The following PRIM2 variants were observed in gnomAD, a reference collection of about 807,000 sequenced individuals.
PRIM2 encodes DNA primase subunit 2, also known as DNA primase large subunit.
A neutral mutation model predicts 67.3 loss-of-function variants in PRIM2; 39 were observed. The ratio of observed to expected loss-of-function variants is 0.58; its 90% confidence interval spans 0.45 to 0.76. The LOEUF (loss-of-function observed/expected upper bound fraction) is 0.76. Among genes scored for constraint, PRIM2 ranks in the 30% least tolerant of loss-of-function variants. The pLI, the probability that PRIM2 is intolerant of heterozygous loss-of-function variation, is 0.00. For missense variants in PRIM2, 398 were observed against 598.7 expected (o/e 0.66, Z 3.50); for synonymous variants, 143 against 198.7 (o/e 0.72, Z 2.36).
intron 7 of PRIM2, among the ~76,000 whole-genome samples, chr6:57,439,569 C>T (rs1398839443): frequency 6.6e-6 from 1 of 151,692 alleles, no homozygotes; most frequent in Admixed American, 6.6e-5. Flanking sequence ...GCACCCGCCA[C>T]CACGCCCAGC....
the PRIM2 span, among the ~76,000 whole-genome samples, chr6:57,248,090 C>T: frequency 6.6e-6 from 1 of 152,190 alleles, no homozygotes; most frequent in African/African-American, 2.4e-5. Flanking sequence ...TTACATGTTA[C>T]ATAGTCATGT....
chr6:57,526,140 A>G (rs1774747049), intron 8 of PRIM2, among the ~76,000 whole-genome samples: 1 of 152,150 alleles, frequency 6.6e-6, no homozygotes, highest in Non-Finnish European at 1.5e-5. Context: ...GTTACAGTGC[A>G]GTAATTGTTA....
At chr6:57,551,876 A>C (rs1775410985) in intron 10 of PRIM2, among the ~76,000 whole-genome samples, 1 of 152,208 alleles carries the variant, frequency 6.6e-6, no homozygotes, top group Non-Finnish European at 1.5e-5. Flanking sequence ...ATGTTTTGCC[A>C]CAACGTAAGT....
the PRIM2 span, among the ~76,000 whole-genome samples, chr6:57,287,901 G>A: frequency 1.3e-5 from 2 of 152,156 alleles, no homozygotes; most frequent in Non-Finnish European, 2.9e-5. Flanking sequence ...TGAAGTACGT[G>A]GTTCATCTCA....
At chr6:57,553,488 C>T (rs1267499306) in intron 10 of PRIM2, among the ~76,000 whole-genome samples, 11 of 152,214 alleles carry the variant, frequency 7.2e-5, no homozygotes, top group Middle Eastern at 3.4e-3. Flanking sequence ...AGAATGATCT[C>T]AAGGTAATTC....
At chr6:57,468,830 G>A (rs1355768501) in intron 7 of PRIM2, among the ~76,000 whole-genome samples, 3 of 152,240 alleles carry the variant, frequency 2.0e-5, no homozygotes, top group Non-Finnish European at 1.5e-5. Flanking sequence ...CCTTTTAGGA[G>A]GGGATTTATA....
chr6:57,461,360 T>C (rs1302674718), intron 7 of PRIM2, among the ~76,000 whole-genome samples: 1 of 152,146 alleles, frequency 6.6e-6, no homozygotes, highest in African/African-American at 2.4e-5. Context: ...GGATAAACCT[T>C]GTAGTTCAGG....
rs10949038 is a variant in PRIM2, at chr6:57,385,672, T to A, written c.693+3504T>A. ...CTCTTTAATCTCCTTCAGTCTGCAA[T>A]AGATTCTTAGTTTCTCTTAGATTTT... On this transcript the variant is annotated intron_variant, in intron 7 of 13. Transcript: ENST00000615550. 2.6e-5 allele frequency among the ~76,000 whole-genome samples: 4 copies of A among 152,360 alleles called. No homozygotes were observed. The East Asian group carries it at 5.8e-4, about 22-fold the overall frequency.
intron 12 of PRIM2, among the ~76,000 whole-genome samples, chr6:57,626,346 T>C (rs1321442872): frequency 6.6e-6 from 1 of 152,232 alleles, no homozygotes; most frequent in Non-Finnish European, 1.5e-5. Context: ...AGTTCTATTT[T>C]TGTATATGTA....
chr6:57,545,975 GT>G (rs1440465061), intron 10 of PRIM2, among the ~76,000 whole-genome samples: 1 of 152,182 alleles, frequency 6.6e-6, no homozygotes, highest in Non-Finnish European at 1.5e-5. Flanking sequence ...GATTGAATTA[GT>G]AGGCCAGTAG....
intron 7 of PRIM2, among the ~76,000 whole-genome samples, chr6:57,479,421 A>G (rs1773559654): frequency 6.6e-6 from 1 of 152,182 alleles, no homozygotes; most frequent in Non-Finnish European, 1.5e-5. Flanking sequence ...AGTTACAGGT[A>G]CACTGCTTTT....
chr6:57,318,342 T>C, intron 1 of PRIM2, 95 bp from the exon 2 acceptor site: 1 of 1,258,484 alleles, frequency 7.9e-7, no homozygotes, highest in East Asian at 2.6e-5. Flanking sequence ...CCATTTTTTT[T>C]CTGTGTTTGT....
chr6:57,552,891 G>A (rs1348527959), intron 10 of PRIM2, among the ~76,000 whole-genome samples: 1 of 151,898 alleles, frequency 6.6e-6, no homozygotes, highest in Non-Finnish European at 1.5e-5. Flanking sequence ...GTTTTCCGTA[G>A]TCTTTCAAAA....
At chr6:57,635,237 A>G (rs1225020248) in intron 13 of PRIM2, among the ~76,000 whole-genome samples, 7 of 152,132 alleles carry the variant, frequency 4.6e-5, no homozygotes, top group Non-Finnish European at 1.0e-4. Context: ...AATATCCCAT[A>G]GGTAAAACAA....
At chr6:57,614,985 C>T (rs1355260303) in intron 12 of PRIM2, among the ~76,000 whole-genome samples, 1 of 152,168 alleles carries the variant, frequency 6.6e-6, no homozygotes, top group African/African-American at 2.4e-5. Flanking sequence ...ATCTATCTAT[C>T]AATAGTTTCT....
chr6:57,457,628 C>G, intron 7 of PRIM2, among the ~76,000 whole-genome samples: 1 of 152,130 alleles, frequency 6.6e-6, no homozygotes. Flanking sequence ...TTGCTATGAC[C>G]GTTGTAAAAG....
intron 7 of PRIM2, among the ~76,000 whole-genome samples, chr6:57,422,558 C>G (rs1031303421): frequency 6.6e-6 from 1 of 152,080 alleles, no homozygotes; most frequent in Non-Finnish European, 1.5e-5. Flanking sequence ...TATCACAGAA[C>G]TTTAATGTAA....
intron 8 of PRIM2, among the ~76,000 whole-genome samples, chr6:57,508,865 C>G (rs1774301995): frequency 6.6e-6 from 1 of 152,116 alleles, no homozygotes; most frequent in Admixed American, 6.5e-5. Flanking sequence ...GATAGTGACT[C>G]TTTGTTGTAT....
chr6:57,249,322 G>A, the PRIM2 span, among the ~76,000 whole-genome samples: 2 of 152,144 alleles, frequency 1.3e-5, no homozygotes, highest in Non-Finnish European at 2.9e-5. Context: ...TCTTTTTCTA[G>A]TAGGATTACT....
Sources: gnomAD v4.1 joint callset for allele counts (sites outside exome capture counted in the v4.1 genomes callset) on GRCh38, gnomAD v4.1.1 for gene constraint, MANE v1.5 for transcripts, NCBI Gene and HGNC (gene_info 2026-07-23, HGNC 2026-07-21) for gene names.